The following DPY19L1 variants were observed in gnomAD, a reference collection of about 807,000 sequenced individuals.
The protein encoded by DPY19L1 is protein C-mannosyl-transferase DPY19L1.
In DPY19L1, 35 loss-of-function variants were observed where a neutral mutation model predicts 96.9. The observed-to-expected ratio is 0.36, with a 90% CI of 0.28 to 0.48. The LOEUF (loss-of-function observed/expected upper bound fraction) is 0.48, where lower values mean the gene tolerates loss of function less well. DPY19L1 is among the 20% of genes least tolerant of loss of function. DPY19L1 has a pLI of 0.99. For missense variants in DPY19L1, 521 were observed against 777.9 expected, an observed-to-expected ratio of 0.67 and a Z score of 3.93; for synonymous variants, 205 against 252.6, an observed-to-expected ratio of 0.81 and a Z score of 1.79.
At chr7:34,977,037 C>G (rs1417541942) in intron 7 of DPY19L1, among the ~76,000 whole-genome samples, 1 of 152,136 alleles carries the variant, frequency 6.6e-6, no homozygotes, top group South Asian at 2.1e-4. Context: ...GATCCGCCTG[C>G]CTCAGCCTCC....
At chr7:34,968,347 C>G (rs1207074660) in intron 9 of DPY19L1, among the ~76,000 whole-genome samples, 1 of 152,128 alleles carries the variant, frequency 6.6e-6, no homozygotes, top group Non-Finnish European at 1.5e-5. Flanking sequence ...CTTTTATTAT[C>G]TCTATTTCAG....
In DPY19L1 at chr7:34,931,384, T is replaced by C; in HGVS notation, c.*189A>G. ...GCAAATTTTAAAGGGTGCATTGAAATAGTAACCAATTGATAAAGGTGTAAG... is the reference window on the plus strand; with the variant it reads ...GCAAATTTTAAAGGGTGCATTGAAACAGTAACCAATTGATAAAGGTGTAAG... On this transcript the variant is annotated 3_prime_UTR_variant, in exon 22 of 22. Coordinates refer to ENST00000638088, the MANE Select transcript of DPY19L1 (RefSeq NM_001366673.1). The C allele has an allele frequency of 1.4e-6, 1 of 735,494 alleles. No individual in the cohort carries two copies. Among genetic ancestry groups the C allele is most frequent in the Non-Finnish European group, 2.0e-6 (1 of 510,072 alleles). The allele number at this position is 735,494 out of a possible 1,614,324, so 45.6% of individuals were successfully genotyped here.
intron 16 of DPY19L1, among the ~76,000 whole-genome samples, chr7:34,944,300 T>C (rs552354160): frequency 2.1e-5 from 3 of 144,302 alleles, no homozygotes; most frequent in East Asian, 2.1e-4. Context: ...GAGGCGGAGG[T>C]TGCAGTGAGC....
chr7:34,980,831 G>A (rs944948984), intron 7 of DPY19L1, among the ~76,000 whole-genome samples: 6 of 152,264 alleles, frequency 3.9e-5, no homozygotes, highest in East Asian at 1.9e-4. Flanking sequence ...TGGAATTATC[G>A]TACATTGCCA....
At chr7:34,964,827 A>T (rs1784576631) in intron 10 of DPY19L1, among the ~76,000 whole-genome samples, 1 of 152,172 alleles carries the variant, frequency 6.6e-6, no homozygotes, top group South Asian at 2.1e-4. Flanking sequence ...ACTAAAATAG[A>T]TGTCATTTTC....
At chr7:34,940,047 T>G in intron 19 of DPY19L1, 106 bp downstream of exon 19, 345 of 956,196 alleles carry the variant, frequency 3.6e-4, no homozygotes, top group Non-Finnish European at 4.6e-4. Context: ...ATAGAAAGAG[T>G]GAGATCAGTG....
chr7:34,993,588 T>G (rs1435610173), intron 6 of DPY19L1, among the ~76,000 whole-genome samples: 2 of 152,120 alleles, frequency 1.3e-5, no homozygotes, highest in Non-Finnish European at 2.9e-5. Flanking sequence ...ATATAACATC[T>G]GAACCAGTCT....
intron 13 of DPY19L1, among the ~76,000 whole-genome samples, chr7:34,954,207 C>T (rs1464878436): frequency 6.6e-6 from 1 of 152,036 alleles, no homozygotes; most frequent in Non-Finnish European, 1.5e-5. Flanking sequence ...TTTATCTTCC[C>T]TTCTACCCTA....
chr7:35,037,363 T>C lies in DPY19L1; in HGVS notation c.32A>G (p.Glu11Gly), dbSNP rs1786454519. 1 of 355,048 alleles carries C rather than the reference T, an allele frequency of 2.8e-6. No homozygotes were observed. The highest frequency in any genetic ancestry group is 2.1e-5 in the African/African-American group (1 of 46,616). The allele number at this position is 355,048 out of a possible 1,614,324, so 22.0% of individuals were successfully genotyped here. A position where few individuals can be genotyped will look rare whatever the true frequency, so the allele number is the denominator to read the frequency against. The stretch of plus-strand genomic sequence containing the variant: ...TGGCTGGGGCGGCTTGGGAGCCGCC[T>C]CCCGGTGCTTGTTCCGCGCCTGCAG... The part of the protein sequence containing the change: MVLQARNKHR[E>G]AAPKPPQPPR... The change falls in exon 1 of 22, where the codon GAG (glutamate) becomes GGG (glycine). Residue 11 changes from glutamate to glycine, a missense_variant. Coordinates refer to ENST00000638088, the MANE Select transcript of DPY19L1 (RefSeq NM_001366673.1).
chr7:35,006,901 G>C (rs1438354791), intron 6 of DPY19L1, among the ~76,000 whole-genome samples: 1 of 152,136 alleles, frequency 6.6e-6, no homozygotes, highest in Non-Finnish European at 1.5e-5. Flanking sequence ...CAATCTGCCT[G>C]CAAATTTCTA....
intron 4 of DPY19L1, among the ~76,000 whole-genome samples, chr7:35,012,959 A>G (rs1785750782): frequency 6.6e-6 from 1 of 152,112 alleles, no homozygotes; most frequent in African/African-American, 2.4e-5. Context: ...TGATATATAT[A>G]TATAAAATCA....
intron 7 of DPY19L1, among the ~76,000 whole-genome samples, chr7:34,984,236 T>G (rs1352366438): frequency 6.6e-6 from 1 of 152,220 alleles, no homozygotes; most frequent in Non-Finnish European, 1.5e-5. Flanking sequence ...AATCCAGATC[T>G]GCAGGAAGAA....
intron 10 of DPY19L1, among the ~76,000 whole-genome samples, chr7:34,962,759 AC>A (rs1221098647): frequency 6.6e-6 from 1 of 152,108 alleles, no homozygotes; most frequent in African/African-American, 2.4e-5. Context: ...TAAACTACGG[AC>A]TTTGGGTGAT....
At chr7:35,014,418 A>G (rs1785791093) in intron 3 of DPY19L1, among the ~76,000 whole-genome samples, 1 of 151,896 alleles carries the variant, frequency 6.6e-6, no homozygotes, top group Admixed American at 6.6e-5. Flanking sequence ...ACAAGAAAAT[A>G]CTAGAAGCCT....
rs551711737 is a variant in DPY19L1, at chr7:35,035,917, G to C, written c.298+1180C>G. On this transcript the variant is annotated intron_variant, in intron 1 of 21. Transcript: ENST00000638088. ...AGCTTGCTACTGAGATAAAAAAAAA[G>C]GGGGCGGGGGGAAATGTGCTGGAAA... is the stretch of plus-strand genomic sequence containing the variant. 9.0e-3 allele frequency among the ~76,000 whole-genome samples: 1,316 copies of C among 146,276 alleles called. 24 individuals are homozygous for C. The highest frequency in any genetic ancestry group is 0.03 in the African/African-American group (1,207 of 39,960).
At chr7:34,942,997 C>T (rs967173755) in intron 16 of DPY19L1, among the ~76,000 whole-genome samples, 4 of 152,124 alleles carry the variant, frequency 2.6e-5, no homozygotes, top group Admixed American at 2.6e-4. Context: ...ATAACAAATA[C>T]GTGGTTATAT....
intron 7 of DPY19L1, among the ~76,000 whole-genome samples, chr7:34,975,044 C>G (rs758555255): frequency 1.3e-5 from 2 of 152,056 alleles, no homozygotes; most frequent in African/African-American, 4.8e-5. Flanking sequence ...CTGTCTCCCT[C>G]CCATCGGGCC....
intron 6 of DPY19L1, among the ~76,000 whole-genome samples, chr7:34,993,733 C>T (rs1785223709): frequency 6.6e-6 from 1 of 151,938 alleles, no homozygotes; most frequent in Admixed American, 6.5e-5. Flanking sequence ...TATCTCTTTC[C>T]ATTTACTCAA....
chr7:35,031,464 CTAAG>C (rs1786259220), intron 1 of DPY19L1, among the ~76,000 whole-genome samples: 1 of 152,144 alleles, frequency 6.6e-6, no homozygotes, highest in Non-Finnish European at 1.5e-5. Context: ...CTCGGGGTTA[CTAAG>C]TAACAACTTG....
Sources: gnomAD v4.1 joint callset for allele counts (sites outside exome capture counted in the v4.1 genomes callset) on GRCh38, gnomAD v4.1.1 for gene constraint, MANE v1.5 for transcripts, NCBI Gene and HGNC (gene_info 2026-07-23, HGNC 2026-07-21) for gene names.